ZNF730: variants seen among roughly 807,000 people sequenced by gnomAD.
ZNF730 encodes the protein zinc finger protein 730.
ZNF730 carries 12 observed loss-of-function variants against 12.6 expected under a neutral mutation model. That is an observed-to-expected ratio of 0.95 (90% CI 0.61 to 1.54). The LOEUF is 1.54. ZNF730 is among the 40% of genes most tolerant of loss of function. ZNF730 has a pLI of 0.00. For missense variants in ZNF730, 643 were observed against 583.5 expected (o/e 1.10, Z -1.05); for synonymous variants, 194 against 195.8 (o/e 0.99, Z 0.08).
At chr19:23,086,179 A>T (rs902594499) in intron 1 of ZNF730, among the ~76,000 whole-genome samples, 3 of 151,996 alleles carry the variant, frequency 2.0e-5, no homozygotes, top group African/African-American at 4.8e-5. Flanking sequence ...ATGTCTTGTA[A>T]ATTTGTTTCT....
Position 23,117,304 on chromosome 19 carries a change from G to C in ZNF730, c.3+128G>C, listed in dbSNP as rs554325627. The C allele has an allele frequency of 1.6e-5, 25 of 1,555,250 alleles. No homozygotes were observed. In the Middle Eastern group the frequency reaches 1.4e-3, roughly 85 times the overall value. On this transcript the variant is annotated intron_variant, in intron 1 of 3. Coordinates refer to ENST00000597761, the MANE Select transcript of ZNF730 (RefSeq NM_001277403.2). Reference sequence around the variant, plus strand: ...AATCTGCGCCCAGAGTTCTTGCCCAGCTCGGCCTCAGTCCCCTTCAGCCAT... The same window carrying C: ...AATCTGCGCCCAGAGTTCTTGCCCACCTCGGCCTCAGTCCCCTTCAGCCAT...
At chr19:23,103,755 T>C (rs1234531028) in intron 1 of ZNF730, among the ~76,000 whole-genome samples, 1 of 152,222 alleles carries the variant, frequency 6.6e-6, no homozygotes, top group Non-Finnish European at 1.5e-5. Context: ...TTGGGATTTC[T>C]AAAATTCTAA....
intron 1 of ZNF730, among the ~76,000 whole-genome samples, chr19:23,079,910 A>G (rs1255704365): frequency 6.6e-6 from 1 of 152,094 alleles, no homozygotes; most frequent in African/African-American, 2.4e-5. Context: ...GTAAAGATTT[A>G]TCATTATTGT....
At position 23,107,449 on chromosome 19, in the gene ZNF730, C is replaced by CAA. The variant is rs57120684; in HGVS notation, c.-93-26606_-93-26605dup. Among the ~76,000 whole-genome samples the CAA allele has an allele frequency of 7.9e-3, 373 of 47,308 alleles. 43 individuals are homozygous for CAA. The highest frequency in any genetic ancestry group is 0.022 in the Middle Eastern group (1 of 46). 31.0% of individuals were successfully genotyped at this position (47,308 alleles called of 152,430 possible). ...TGTCTCTACTTTAAAAAAAAAATAC[C>CAA]AAAAAAAAAAAAAAAAAAAAAAAAA... On this transcript the variant is annotated intron_variant, in intron 1 of 2. Coordinates refer to the ZNF730 transcript ENST00000593635.
intron 1 of ZNF730, among the ~76,000 whole-genome samples, chr19:23,101,033 G>A (rs2145533981): frequency 6.6e-6 from 1 of 152,270 alleles, no homozygotes; most frequent in South Asian, 2.1e-4. Context: ...GTTTAGTTAG[G>A]ATAGATGTTG....
At chr19:23,128,425 G>C (rs1253585847) in intron 1 of ZNF730, 1 of 385,730 alleles carries the variant, frequency 2.6e-6, no homozygotes, top group East Asian at 5.4e-5. Flanking sequence ...TCCAGTCTAT[G>C]AGAAGAAGCC....
At chr19:23,115,696 AAGCAGAAGC>A (rs1970510655), upstream of ZNF730, among the ~76,000 whole-genome samples, 4 of 28,114 alleles carry the variant, frequency 1.4e-4, no homozygotes. Context: ...TCACCCCCAG[AAGCAGAAGC>A]TTACCCCCAG....
At chr19:23,107,253 G>A (rs1025801742) in intron 1 of ZNF730, among the ~76,000 whole-genome samples, 2 of 150,762 alleles carry the variant, frequency 1.3e-5, no homozygotes, top group Non-Finnish European at 3.0e-5. Context: ...AGTAATGATG[G>A]GGTTTCACCA....
chr19:23,118,221 TCTGTTTGTAAATATCGCCCATGA>T (rs1424572871), intron 1 of ZNF730, among the ~76,000 whole-genome samples: 1 of 152,184 alleles, frequency 6.6e-6, no homozygotes, highest in Non-Finnish European at 1.5e-5. Context: ...AGATTTGTTT[TCTGTTTGTAAATATCGCCCATGA>T]AAATAAACCA....
chr19:23,123,874 T>G (rs929469347), intron 1 of ZNF730: 3 of 153,960 alleles, frequency 1.9e-5, no homozygotes, highest in African/African-American at 7.2e-5. Context: ...TCCCATGGTC[T>G]CTGTGAATGA....
Position 23,127,395 on chromosome 19 carries a change from A to G in ZNF730, c.4-6685A>G, listed in dbSNP as rs536939193. On this transcript the variant is annotated intron_variant, in intron 1 of 3. Transcript: ENST00000597761. ...ACAACTGTGTTCTTGGATATTCCCA[A>G]ATATTCAGCTTCCAGTTCCTGTTTC... 78 of 877,508 alleles carry G rather than the reference A, an allele frequency of 8.9e-5. No homozygotes were observed. The African/African-American group carries it at 1.0e-3, about 11-fold the overall frequency. The allele number at this position is 877,508 out of a possible 1,614,324, so 54.4% of individuals were successfully genotyped here. A position where few individuals can be genotyped will look rare whatever the true frequency, so the allele number is the denominator to read the frequency against.
intron 1 of ZNF730, among the ~76,000 whole-genome samples, chr19:23,119,510 C>G (rs573014199): frequency 2.0e-5 from 3 of 152,182 alleles, no homozygotes; most frequent in Non-Finnish European, 4.4e-5. Flanking sequence ...TGTTTTATCT[C>G]TGCCAGATTT....
intron 1 of ZNF730, chr19:23,123,590 A>G (rs529980474): frequency 8.5e-5 from 13 of 152,080 alleles, no homozygotes; most frequent in Admixed American, 7.2e-4. Flanking sequence ...AAAAAAAAAA[A>G]AAAGAAACCT....
chr19:23,080,847 C>CTTTTT (rs552923947), intron 1 of ZNF730, among the ~76,000 whole-genome samples: 39 of 125,060 alleles, frequency 3.1e-4, no homozygotes, highest in Non-Finnish European at 4.9e-4. Flanking sequence ...TTTTTCTTTT[C>CTTTTT]TTTTTTTTTT....
intron 1 of ZNF730, chr19:23,100,270 G>A (rs1040090810): frequency 6.6e-6 from 1 of 152,102 alleles, no homozygotes; most frequent in Non-Finnish European, 1.5e-5. Flanking sequence ...TCTACCCATG[G>A]GTAGGATTGT....
At position 23,142,090 on chromosome 19, in the gene ZNF730, G is replaced by A. The variant is rs576038184; in HGVS notation, c.227-3181G>A. Among the ~76,000 whole-genome samples, 8 of 152,156 alleles carry A rather than the reference G, an allele frequency of 5.3e-5. No individual in the cohort carries two copies. The South Asian group carries it at 1.5e-3, about 28-fold the overall frequency. ...CACACACATACACAGAAACACACGT[G>A]TATATACAAATGTTTCATAGGTTCC... On this transcript the variant is annotated intron_variant, in intron 3 of 3. Coordinates refer to ENST00000597761, the MANE Select transcript of ZNF730 (RefSeq NM_001277403.2).
chr19:23,103,258 A>G (rs79707965), intron 1 of ZNF730, among the ~76,000 whole-genome samples: 3,779 of 152,302 alleles, frequency 0.025, 176 homozygotes, highest in African/African-American at 0.087. Context: ...GTTCAAACAA[A>G]TGGTGGAAGG....
chr19:23,139,525 T>G (rs754076826), intron 3 of ZNF730, among the ~76,000 whole-genome samples: 7 of 152,152 alleles, frequency 4.6e-5, no homozygotes, highest in Non-Finnish European at 1.0e-4. Flanking sequence ...TTTTTGTTTT[T>G]ATTTTTTGTT....
rs562832654 is a variant in ZNF730 at position 23,086,031 on chromosome 19, G to A, written c.-94+10644G>A. Reference sequence around the variant, plus strand: ...AGCTAATTTTTGTATTTTTAATAGAGACGGGGTTTCACCGTCGTGGCCAGG... The same window carrying A: ...AGCTAATTTTTGTATTTTTAATAGAAACGGGGTTTCACCGTCGTGGCCAGG... On this transcript the variant is annotated intron_variant, in intron 1 of 2. Transcript: ENST00000593635. Among the ~76,000 whole-genome samples, 191 of 151,762 alleles carry A rather than the reference G, an allele frequency of 1.3e-3. 1 individual carries two copies. The highest frequency in any genetic ancestry group is 4.4e-3 in the African/African-American group (181 of 41,386).
Sources: allele counts gnomAD v4.1 joint callset (sites outside exome capture counted in the v4.1 genomes callset), GRCh38; gene constraint gnomAD v4.1.1; transcripts MANE v1.5; gene names NCBI Gene and HGNC (gene_info 2026-07-23, HGNC 2026-07-21).